The following LTA4H variants were observed in gnomAD, a reference collection of about 807,000 sequenced individuals.
LTA4H encodes leukotriene A-4 hydrolase.
In LTA4H, 59 loss-of-function variants were observed where a neutral mutation model predicts 89.8. That is an observed-to-expected ratio of 0.66 (90% CI 0.53 to 0.82). LTA4H has a LOEUF of 0.82. LTA4H is among the 40% of genes least tolerant of loss of function. LTA4H has a pLI of 0.00. For missense variants in LTA4H, 617 were observed against 727.0 expected (o/e 0.85, Z 1.74); for synonymous variants, 227 against 253.1 (o/e 0.90, Z 0.98).
At chr12:96,038,892 CCA>C (rs1319530378), upstream of LTA4H, among the ~76,000 whole-genome samples, 1 of 150,644 alleles carries the variant, frequency 6.6e-6, no homozygotes, top group Admixed American at 6.7e-5. Flanking sequence ...ATAAAAATAT[CCA>C]CACACAACCA....
intron 14 of LTA4H, 152 bp downstream of exon 14, chr12:96,013,036 T>C (rs951865366): frequency 7.5e-6 from 4 of 536,898 alleles, no homozygotes; most frequent in South Asian, 6.5e-5. Flanking sequence ...ATTATTCTTT[T>C]GGCCTCAGGG....
intron 3 of LTA4H, among the ~76,000 whole-genome samples, chr12:96,025,064 G>A (rs982462355): frequency 2.0e-5 from 3 of 152,180 alleles, no homozygotes; most frequent in Non-Finnish European, 4.4e-5. Flanking sequence ...TTCAGTTGAA[G>A]CATGGAGAAA....
rs1950359693 is a variant in LTA4H at position 96,015,305 on chromosome 12, C to T, written c.1059+278G>A. ...TTCAGGAGACAACACTTAAAAATGACATACCAAATAAGATGCAAACATAGT... is the reference window on the plus strand; with the variant it reads ...TTCAGGAGACAACACTTAAAAATGATATACCAAATAAGATGCAAACATAGT... On this transcript the variant is annotated intron_variant, in intron 11 of 18. Coordinates refer to ENST00000228740, the MANE Select transcript of LTA4H (RefSeq NM_000895.3). 5 of 502,464 alleles carry T rather than the reference C, an allele frequency of 1.0e-5. No homozygotes were observed. In the East Asian group the frequency reaches 1.6e-4, roughly 16 times the overall value. The allele number at this position is 502,464 out of a possible 1,614,324, so 31.1% of individuals were successfully genotyped here. A position where few individuals can be genotyped will look rare whatever the true frequency, so the allele number is the denominator to read the frequency against.
At chr12:96,034,273 T>C (rs895110943) in intron 1 of LTA4H, among the ~76,000 whole-genome samples, 11 of 152,376 alleles carry the variant, frequency 7.2e-5, no homozygotes, top group Admixed American at 6.5e-4. Flanking sequence ...TGTCTTTTCA[T>C]GACCCTCTTA....
rs1285216447 is a variant in LTA4H, at chr12:96,022,230, C to A, written c.502G>T (p.Val168Leu). The change falls in exon 5 of 19, where the codon GTG becomes TTG. Residue 168 changes from valine (V) to leucine (L), a missense_variant. By Grantham distance (32) the Val-to-Leu change is conservative. Coordinates refer to ENST00000228740, the MANE Select transcript of LTA4H (RefSeq NM_000895.3). The surrounding 1 kb of genome is among the most constrained non-coding windows in gnomAD (Gnocchi z 4.0). ...TAEVSVPKEL[V>L]ALMSAIRDGE... Reference sequence around the variant, plus strand: ...TCACGAATAGCACTCATAAGTGCCACCAGTTCTTTAGGGACAGACACCTAA... The same window carrying A: ...TCACGAATAGCACTCATAAGTGCCAACAGTTCTTTAGGGACAGACACCTAA... 6.2e-7 allele frequency: 1 copy of A among 1,612,626 alleles called. No homozygotes were observed.
intron 9 of LTA4H, among the ~76,000 whole-genome samples, 160 bp from the exon 10 acceptor site, chr12:96,017,274 T>TAC (rs748550783): frequency 3.3e-5 from 5 of 151,772 alleles, no homozygotes; most frequent in African/African-American, 4.8e-5. Flanking sequence ...ACCAAAGACA[T>TAC]ACACACACAC....
intron 1 of LTA4H, among the ~76,000 whole-genome samples, chr12:96,034,851 T>G (rs1298742357): frequency 1.3e-5 from 2 of 152,058 alleles, no homozygotes; most frequent in Admixed American, 1.3e-4. Context: ...CGACAGGACA[T>G]GGGATCTGAG....
At chr12:96,021,380 T>C (rs1229440598) in intron 5 of LTA4H, among the ~76,000 whole-genome samples, 2 of 152,184 alleles carry the variant, frequency 1.3e-5, no homozygotes, top group Non-Finnish European at 2.9e-5. Context: ...CAAAAGCTTC[T>C]CACACATGAA....
chr12:96,003,726 C>T lies in LTA4H; in HGVS notation c.1613+112G>A, dbSNP rs1950147670. 6 of 579,762 alleles carry T rather than the reference C, an allele frequency of 1.0e-5. 1 individual carries two copies. Among genetic ancestry groups the T allele is most frequent in the South Asian group, 8.0e-5 (3 of 37,310 alleles). The allele number at this position is 579,762 out of a possible 1,614,324, so 35.9% of individuals were successfully genotyped here. ...ATTTATATAGAAGCAGTCAGTTTGA[C>T]AAGGAATTCTCAAGACTCAAGTATG... On this transcript the variant is annotated intron_variant, in intron 17 of 18. Transcript: ENST00000228740.
At chr12:96,035,135 G>A (rs981291488) in intron 1 of LTA4H, among the ~76,000 whole-genome samples, 13 of 152,216 alleles carry the variant, frequency 8.5e-5, no homozygotes, top group African/African-American at 2.9e-4. Context: ...GGGGCTGAGG[G>A]AAGGGATGCA....
Position 96,013,748 on chromosome 12 carries a change from A to G in LTA4H, c.1308+2T>C. ...AAAATAGAAAAGGTTTTTAAATCCA[A>G]CCTTATCTTTAAAATAGGAATACAG... is the stretch of plus-strand genomic sequence containing the variant. On this transcript the variant is annotated splice_donor_variant, in intron 13 of 18. Coordinates refer to ENST00000228740, the MANE Select transcript of LTA4H (RefSeq NM_000895.3). LOFTEE classifies it high-confidence loss of function. The G allele has an allele frequency of 6.8e-7, 1 of 1,474,846 alleles. No individual in the cohort carries two copies. Among genetic ancestry groups the G allele is most frequent in the Non-Finnish European group, 9.4e-7 (1 of 1,067,982 alleles). 91.4% of individuals were successfully genotyped at this position (1,474,846 alleles called of 1,614,324 possible). A position where few individuals can be genotyped will look rare whatever the true frequency, so the allele number is the denominator to read the frequency against.
intron 2 of LTA4H, among the ~76,000 whole-genome samples, chr12:96,028,734 G>A (rs1465192298): frequency 6.6e-6 from 1 of 152,164 alleles, no homozygotes; most frequent in Non-Finnish European, 1.5e-5. Flanking sequence ...TTGTAAAGCT[G>A]CCCAGGTTAT....
In LTA4H at chr12:96,018,840, G is replaced by A; in HGVS notation, c.775C>T (p.Leu259=). The change falls in exon 8 of 19, where the codon CTA becomes TTA. Residue 259 remains leucine, a synonymous_variant. Coordinates refer to ENST00000228740, the MANE Select transcript of LTA4H (RefSeq NM_000895.3). The part of the protein sequence containing the change: ...GGPYVWGQYD[L]LVLPPSFPYG... ...GGGAAGGATGGTGGCAGGACCAATA[G>A]GTCATACTGTCCCCATACATACGGT... is the stretch of plus-strand genomic sequence containing the variant. The A allele has an allele frequency of 1.9e-6, 3 of 1,604,420 alleles. No individual in the cohort carries two copies. In the South Asian group the frequency reaches 3.4e-5, roughly 18 times the overall value.
intron 1 of LTA4H, 57 bp downstream of exon 1, chr12:96,035,304 G>T: frequency 3.2e-6 from 5 of 1,545,258 alleles, no homozygotes; most frequent in Non-Finnish European, 4.4e-6. Flanking sequence ...GCAAGGACTA[G>T]GGTCGAGGGG....
At chr12:96,019,882 G>A (rs778292338) in intron 6 of LTA4H, among the ~76,000 whole-genome samples, 2 of 147,716 alleles carry the variant, frequency 1.4e-5, no homozygotes, top group Non-Finnish European at 3.0e-5. Flanking sequence ...TTACAGGCGT[G>A]AGCCACCACG....
Position 96,024,533 on chromosome 12 carries a change from TC to T in LTA4H, c.425del (p.Arg142LysfsTer12). ...LFSQCQAIHC[R>X]AILPCQDTPS... ...GAGTGTCCTGACAAGGAAGGATTGCTCTGCAGTGGATGGCCTGAAAAAGGGA... is the reference window on the plus strand; with the variant it reads ...GAGTGTCCTGACAAGGAAGGATTGCTTGCAGTGGATGGCCTGAAAAAGGGA... On this transcript the variant is annotated frameshift_variant, in exon 4 of 19. Coordinates refer to ENST00000228740, the MANE Select transcript of LTA4H (RefSeq NM_000895.3). LOFTEE classifies it high-confidence loss of function. The T allele has an allele frequency of 3.7e-6, 6 of 1,611,138 alleles. No homozygotes were observed. In the South Asian group the frequency reaches 6.6e-5, roughly 18 times the overall value.
intron 9 of LTA4H, 103 bp downstream of exon 9, chr12:96,017,454 C>T (rs1488166151): frequency 2.1e-6 from 2 of 970,204 alleles, no homozygotes; most frequent in African/African-American, 1.7e-5. Context: ...CCCAAATTGT[C>T]CATTATAACC....
At chr12:96,001,765 T>A (rs1950107715) in intron 18 of LTA4H, among the ~76,000 whole-genome samples, 1 of 152,016 alleles carries the variant, frequency 6.6e-6, no homozygotes, top group South Asian at 2.1e-4. Flanking sequence ...AAAGGTAGGA[T>A]TAGTCATTTT....
In LTA4H at chr12:96,003,940, G is replaced by A. The variant is rs1376481221; in HGVS notation, c.1531-20C>T. On this transcript the variant is annotated intron_variant, in intron 16 of 18. Transcript: ENST00000228740. ...AGGTGCCTAAGAGCAAAATAAAGAAGTATACCGTATCATTTCAACAGGATT... is the reference window on the plus strand; with the variant it reads ...AGGTGCCTAAGAGCAAAATAAAGAAATATACCGTATCATTTCAACAGGATT... 1 of 1,479,194 alleles carries A rather than the reference G, an allele frequency of 6.8e-7. No homozygotes were observed. Among genetic ancestry groups the A allele is most frequent in the Non-Finnish European group, 9.4e-7 (1 of 1,068,312 alleles). 91.6% of individuals were successfully genotyped at this position (1,479,194 alleles called of 1,614,324 possible).
Sources: allele counts gnomAD v4.1 joint callset (sites outside exome capture counted in the v4.1 genomes callset), GRCh38; gene constraint gnomAD v4.1.1; non-coding constraint Gnocchi (gnomAD v3.1); transcripts MANE v1.5; gene names NCBI Gene and HGNC (gene_info 2026-07-23, HGNC 2026-07-21).